APPBP2: variants seen among roughly 807,000 people sequenced by gnomAD.
APPBP2 encodes the protein amyloid protein-binding protein 2.
Under a neutral mutation model 76.0 loss-of-function variants are expected in APPBP2, and 15 were observed. The ratio of observed to expected loss-of-function variants is 0.20; its 90% CI spans 0.13 to 0.30. The LOEUF is 0.30. APPBP2 is among the 10% of genes least tolerant of loss of function. The pLI, the probability that APPBP2 is intolerant of heterozygous loss-of-function variation, is 1.00. For missense variants in APPBP2, 401 were observed against 687.2 expected (o/e 0.58, Z 4.66); for synonymous variants, 222 against 242.2 (o/e 0.92, Z 0.77).
intron 1 of APPBP2, among the ~76,000 whole-genome samples, chr17:60,507,513 T>G (rs1028539794): frequency 6.6e-6 from 1 of 152,114 alleles, no homozygotes. Context: ...TGAGCCACAA[T>G]GCCTGGCCCC....
chr17:60,494,644 ATAGAGT>A (rs772325472), intron 2 of APPBP2, 27 bp from the exon 3 acceptor site: 20 of 1,547,668 alleles, frequency 1.3e-5, no homozygotes, highest in South Asian at 6.2e-5. Flanking sequence ...AGATTATTTT[ATAGAGT>A]TAATTTATTT....
intron 3 of APPBP2, among the ~76,000 whole-genome samples, chr17:60,483,610 G>A (rs533721624): frequency 6.6e-6 from 1 of 152,136 alleles, no homozygotes; most frequent in South Asian, 2.1e-4. Flanking sequence ...AGCCAGGATG[G>A]TCTCGATCTC....
chr17:60,512,077 C>T (rs1477471156), intron 1 of APPBP2, among the ~76,000 whole-genome samples: 1 of 151,716 alleles, frequency 6.6e-6, no homozygotes, highest in African/African-American at 2.4e-5. Context: ...TTTGGTCTCA[C>T]TCCTTGAGGT....
intron 1 of APPBP2, among the ~76,000 whole-genome samples, chr17:60,509,280 A>G (rs2090892624): frequency 6.6e-6 from 1 of 152,028 alleles, no homozygotes; most frequent in Admixed American, 6.5e-5. Context: ...CCAGGAGGCT[A>G]AGGCAGGAGA....
At chr17:60,471,774 T>A (rs1278033298) in intron 4 of APPBP2, among the ~76,000 whole-genome samples, 1 of 152,166 alleles carries the variant, frequency 6.6e-6, no homozygotes, top group Non-Finnish European at 1.5e-5. Flanking sequence ...TCGTCTGAAA[T>A]TGCCTTTTTT....
At chr17:60,509,778 A>G (rs904942007) in intron 1 of APPBP2, among the ~76,000 whole-genome samples, 85 of 152,188 alleles carry the variant, frequency 5.6e-4, no homozygotes, top group African/African-American at 2.0e-3. Flanking sequence ...CAGCCTGGGC[A>G]ACAACAGTGA....
At chr17:60,470,044 A>G (rs1237253486) in intron 4 of APPBP2, among the ~76,000 whole-genome samples, 1 of 152,088 alleles carries the variant, frequency 6.6e-6, no homozygotes, top group Non-Finnish European at 1.5e-5. Context: ...CTCTCTCAGC[A>G]GAATCACTTG....
intron 4 of APPBP2, among the ~76,000 whole-genome samples, chr17:60,467,248 A>G (rs1598352108): frequency 6.6e-6 from 1 of 152,242 alleles, no homozygotes; most frequent in East Asian, 1.9e-4. Flanking sequence ...GAGAAGGAAC[A>G]AAGGTATAAA....
At chr17:60,481,229 GC>G (rs2090625904) in intron 3 of APPBP2, among the ~76,000 whole-genome samples, 1 of 152,138 alleles carries the variant, frequency 6.6e-6, no homozygotes, top group African/African-American at 2.4e-5. Context: ...AATTCTCACA[GC>G]TGCTTTGTCC....
chr17:60,451,834 G>T, intron 12 of APPBP2, 46 bp downstream of exon 12: 1 of 1,509,864 alleles, frequency 6.6e-7, no homozygotes, highest in Non-Finnish European at 9.0e-7. Flanking sequence ...ATGCTGACAT[G>T]TTGATTTGTA....
intron 2 of APPBP2, among the ~76,000 whole-genome samples, chr17:60,496,140 T>C (rs966191960): frequency 1.1e-4 from 17 of 152,228 alleles, no homozygotes; most frequent in African/African-American, 4.1e-4. Context: ...TACTGTTAAC[T>C]GAGGAAATGG....
In APPBP2 at chr17:60,447,517, T is replaced by C. The variant is rs914100957; in HGVS notation, c.*64A>G. ...TCCAGCCCCCCAAAACAACATGGTTTTGATTTCACAGTATGAATTCCCTGG... is the reference window on the plus strand; with the variant it reads ...TCCAGCCCCCCAAAACAACATGGTTCTGATTTCACAGTATGAATTCCCTGG... On this transcript the variant is annotated 3_prime_UTR_variant, in exon 13 of 13. Transcript: ENST00000083182. The C allele has an allele frequency of 1.3e-6, 2 of 1,527,846 alleles. No individual in the cohort carries two copies. Among genetic ancestry groups the C allele is most frequent in the Non-Finnish European group, 1.8e-6 (2 of 1,138,834 alleles). The allele number at this position is 1,527,846 out of a possible 1,614,324, so 94.6% of individuals were successfully genotyped here. A position where few individuals can be genotyped will look rare whatever the true frequency, so the allele number is the denominator to read the frequency against.
chr17:60,520,565 T>C (rs1409900256), intron 1 of APPBP2, among the ~76,000 whole-genome samples: 1 of 122,118 alleles, frequency 8.2e-6, no homozygotes, highest in Non-Finnish European at 1.6e-5. Context: ...AGAACAAGAC[T>C]CTGTTAAAAA....
In APPBP2 at chr17:60,500,418, G is replaced by A. The variant is rs774835401; in HGVS notation, c.208C>T (p.Leu70=). The A allele has an allele frequency of 3.7e-6, 6 of 1,608,538 alleles. No homozygotes were observed. Among genetic ancestry groups the A allele is most frequent in the East Asian group, 2.2e-5 (1 of 44,778 alleles). ...ATTTACCTTTTATCCAAAGCTCTCA[G>A]TACTTTAGCAAAAACTTCCAATTCA... ...FCELEVFAKV[L]RALDKRHLLH... is the part of the protein sequence containing the mutation. Residue 70 remains leucine (L), a synonymous_variant, in exon 2 of 13, where the codon CTG becomes TTG. Transcript: ENST00000083182.
At chr17:60,489,357 T>C (rs1412560172) in intron 3 of APPBP2, among the ~76,000 whole-genome samples, 1 of 152,128 alleles carries the variant, frequency 6.6e-6, no homozygotes, top group East Asian at 1.9e-4. Flanking sequence ...AGGCCTGTAA[T>C]CCCAGCACTT....
chr17:60,522,554 C>A (rs181258056), intron 1 of APPBP2, among the ~76,000 whole-genome samples: 5 of 152,282 alleles, frequency 3.3e-5, no homozygotes, highest in Admixed American at 3.3e-4. Flanking sequence ...CTCCTGTGCT[C>A]AAGCGATCCT....
intron 9 of APPBP2, among the ~76,000 whole-genome samples, chr17:60,458,524 G>A (rs745767196): frequency 5.3e-5 from 8 of 151,950 alleles, no homozygotes; most frequent in Non-Finnish European, 8.8e-5. Context: ...AGTTAACAAA[G>A]TTTTTCTGTA....
At chr17:60,474,485 T>C (rs923831880) in intron 4 of APPBP2, among the ~76,000 whole-genome samples, 1 of 152,140 alleles carries the variant, frequency 6.6e-6, no homozygotes, top group African/African-American at 2.4e-5. Flanking sequence ...TCATAACTTA[T>C]TTAGAAAGAA....
chr17:60,503,013 CTTTT>C (rs773905454), intron 1 of APPBP2, among the ~76,000 whole-genome samples: 2 of 126,478 alleles, frequency 1.6e-5, no homozygotes, highest in Admixed American at 7.7e-5. Context: ...TTTAAATTTT[CTTTT>C]TTTTTTTTTT....
Sources: allele counts gnomAD v4.1 joint callset (sites outside exome capture counted in the v4.1 genomes callset), GRCh38; gene constraint gnomAD v4.1.1; transcripts MANE v1.5; gene names NCBI Gene and HGNC (gene_info 2026-07-23, HGNC 2026-07-21).